PKP4: variants seen among roughly 807,000 people sequenced by gnomAD.
PKP4 encodes the protein plakophilin 4.
In PKP4, 90 loss-of-function variants were observed where a neutral mutation model predicts 145.1. That is an observed-to-expected ratio of 0.62 (90% confidence interval 0.52 to 0.74). The LOEUF is 0.74. PKP4 is among the 30% of genes least tolerant of loss of function. PKP4 has a pLI of 0.00. For missense variants in PKP4, 1,340 were observed against 1,482.7 expected, an observed-to-expected ratio of 0.90 and a Z score of 1.58; for synonymous variants, 563 against 577.2, an observed-to-expected ratio of 0.98 and a Z score of 0.35.
chr2:158,590,169 CTA>C (rs2049133147), intron 3 of PKP4, among the ~76,000 whole-genome samples: 1 of 152,096 alleles, frequency 6.6e-6, no homozygotes. Context: ...GAAAAACACT[CTA>C]AAACTGAAGC....
In PKP4 at chr2:158,634,076, T is replaced by A. The variant is rs760171302; in HGVS notation, c.1349T>A (p.Ile450Asn). 2.0e-5 allele frequency: 32 copies of A among 1,591,280 alleles called. No individual in the cohort carries two copies. Among genetic ancestry groups the A allele is most frequent in the Non-Finnish European group, 2.8e-5 (32 of 1,159,172 alleles). ...CAAAATGTTGACTTTCTAGTAGGTATTGGAAATCTACAAAGGACATCCAGC... is the reference window on the plus strand; with the variant it reads ...CAAAATGTTGACTTTCTAGTAGGTAATGGAAATCTACAAAGGACATCCAGC... ...TALYRTGSVG[I>N]GNLQRTSSQR... The change falls in exon 9 of 22, where the codon ATT becomes AAT. Residue 450 changes from isoleucine (I) to asparagine (N), a missense_variant. Coordinates refer to ENST00000389759, the MANE Select transcript of PKP4 (RefSeq NM_003628.6).
intron 7 of PKP4, among the ~76,000 whole-genome samples, chr2:158,626,009 A>G (rs891087334): frequency 3.9e-5 from 6 of 152,156 alleles, no homozygotes; most frequent in African/African-American, 1.4e-4. Context: ...AGCTGTTCCA[A>G]CTTCAGGGTT....
intron 2 of PKP4, among the ~76,000 whole-genome samples, chr2:158,548,238 A>G (rs1397707507): frequency 6.6e-6 from 1 of 152,214 alleles, no homozygotes; most frequent in East Asian, 1.9e-4. Context: ...TTATGCTTCA[A>G]GAGTATTTTA....
intron 11 of PKP4, among the ~76,000 whole-genome samples, chr2:158,651,724 C>T (rs761860913): frequency 3.7e-4 from 56 of 151,886 alleles, no homozygotes; most frequent in Non-Finnish European, 2.5e-4. Flanking sequence ...GGCATGGTCT[C>T]GAGTGAGTGT....
At chr2:158,640,814 AG>A in intron 10 of PKP4, 55 bp downstream of exon 10, 1 of 1,582,874 alleles carries the variant, frequency 6.3e-7, no homozygotes, top group East Asian at 2.2e-5. Context: ...TGCATTTAAC[AG>A]CCACGTGCTT....
chr2:158,583,258 G>A (rs1051139582), intron 3 of PKP4, among the ~76,000 whole-genome samples: 3 of 152,150 alleles, frequency 2.0e-5, no homozygotes, highest in Non-Finnish European at 4.4e-5. Context: ...GATACAGTGA[G>A]AGTAAAAGGG....
intron 8 of PKP4, among the ~76,000 whole-genome samples, chr2:158,633,431 C>A (rs2053556538): frequency 6.6e-6 from 1 of 152,190 alleles, no homozygotes; most frequent in Non-Finnish European, 1.5e-5. Context: ...GCATCTATAG[C>A]ATGGGTACAC....
rs572809161 is a variant in PKP4, at chr2:158,521,735, C to G, written c.-5-11445C>G. ...AGATGTTTAACTTTTCAGGCAAATTCTTAATTTCCTAGTACTTCATTCTTC... is the reference window on the plus strand; with the variant it reads ...AGATGTTTAACTTTTCAGGCAAATTGTTAATTTCCTAGTACTTCATTCTTC... On this transcript the variant is annotated intron_variant, in intron 1 of 21. Transcript: ENST00000389759. Among the ~76,000 whole-genome samples the G allele has an allele frequency of 2.0e-5, 3 of 152,274 alleles. No individual in the cohort carries two copies. In the East Asian group the frequency reaches 5.8e-4, roughly 29 times the overall value.
chr2:158,495,422 A>G (rs1488001876), intron 1 of PKP4, among the ~76,000 whole-genome samples: 1 of 151,994 alleles, frequency 6.6e-6, no homozygotes, highest in Admixed American at 6.6e-5. Flanking sequence ...ATATAAGGAA[A>G]TAATCAGACA....
chr2:158,616,624 A>C (rs534071379), intron 4 of PKP4, among the ~76,000 whole-genome samples: 2 of 152,048 alleles, frequency 1.3e-5, no homozygotes, highest in Admixed American at 6.5e-5. Flanking sequence ...GCCAAAACTC[A>C]CACCACACTG....
intron 16 of PKP4, among the ~76,000 whole-genome samples, chr2:158,668,550 C>T (rs1186172056): frequency 1.3e-5 from 2 of 152,224 alleles, no homozygotes; most frequent in African/African-American, 2.4e-5. Context: ...CGGCCTAACC[C>T]CCAGGAGTGC....
intron 21 of PKP4, 158 bp downstream of exon 21, chr2:158,678,812 C>G: frequency 1.5e-6 from 1 of 647,086 alleles, no homozygotes; most frequent in South Asian, 1.8e-5. Context: ...GTGGTTTAAG[C>G]AAAGCATTTC....
chr2:158,637,669 T>C (rs756496471), intron 9 of PKP4, among the ~76,000 whole-genome samples: 15 of 152,224 alleles, frequency 9.9e-5, no homozygotes, highest in Admixed American at 7.2e-4. Flanking sequence ...TCAAGGATTA[T>C]ATTCTTGTGT....
chr2:158,459,910 CAA>C (rs1689509300), intron 1 of PKP4, among the ~76,000 whole-genome samples: 1 of 152,004 alleles, frequency 6.6e-6, no homozygotes, highest in African/African-American at 2.4e-5. Flanking sequence ...TACAGATATT[CAA>C]AGAGTGGAAG....
At chr2:158,654,743 T>C (rs2055748496) in intron 11 of PKP4, among the ~76,000 whole-genome samples, 1 of 152,088 alleles carries the variant, frequency 6.6e-6, no homozygotes, top group Non-Finnish European at 1.5e-5. Context: ...ATACTCAGTT[T>C]TACAAAAAGG....
In PKP4 at chr2:158,661,532, T is replaced by C; in HGVS notation, c.2211+82T>C. 4.5e-6 allele frequency: 4 copies of C among 893,932 alleles called. No individual in the cohort carries two copies. The Admixed American group carries it at 7.0e-5, about 16-fold the overall frequency. 55.4% of individuals were successfully genotyped at this position (893,932 alleles called of 1,614,324 possible). ...GCCACTATTTGCATGCCATTGGTTC[T>C]TTCTGACCTGCGGATCCTGTCCTCC... On this transcript the variant is annotated intron_variant, in intron 13 of 21. Coordinates refer to ENST00000389759, the MANE Select transcript of PKP4 (RefSeq NM_003628.6).
At chr2:158,558,395 A>G (rs756993616) in intron 2 of PKP4, among the ~76,000 whole-genome samples, 1 of 152,194 alleles carries the variant, frequency 6.6e-6, no homozygotes, top group Non-Finnish European at 1.5e-5. Flanking sequence ...AGGAGACAGT[A>G]TAGCCAGAGG....
At chr2:158,574,184 G>C (rs556794616) in intron 2 of PKP4, among the ~76,000 whole-genome samples, 71 of 152,340 alleles carry the variant, frequency 4.7e-4, no homozygotes, top group African/African-American at 1.6e-3. Context: ...TATATTAGTA[G>C]CCTTGACTTT....
chr2:158,527,132 CTACTT>C (rs1263361792), intron 1 of PKP4, among the ~76,000 whole-genome samples: 3 of 114,204 alleles, frequency 2.6e-5, no homozygotes, highest in Non-Finnish European at 5.4e-5. Context: ...TTGGAAAAAA[CTACTT>C]TAAAGTTCAT....
Sources: allele counts gnomAD v4.1 joint callset (sites outside exome capture counted in the v4.1 genomes callset), GRCh38; gene constraint gnomAD v4.1.1; transcripts MANE v1.5; gene names NCBI Gene and HGNC (gene_info 2026-07-23, HGNC 2026-07-21).